Variants in METTL21A observed in about 807,000 individuals in gnomAD.
METTL21A encodes the protein methyltransferase 21A, HSPA lysine, also known as protein N-lysine methyltransferase METTL21A.
METTL21A carries 22 observed loss-of-function variants against 20.9 expected under a neutral mutation model. The observed-to-expected ratio is 1.05, with a 90% CI of 0.75 to 1.50. The LOEUF is 1.50. Among genes scored for constraint, METTL21A ranks in the 40% most tolerant of loss-of-function variants. The pLI is 0.00. For synonymous variants in METTL21A, 93 were observed against 102.0 expected, an observed-to-expected ratio of 0.91 and a Z score of 0.53; for missense variants, 271 against 266.8, an observed-to-expected ratio of 1.02 and a Z score of -0.11.
chr2:207,588,013 T>C (rs1048803147), intron 3 of METTL21A, among the ~76,000 whole-genome samples: 3 of 152,226 alleles, frequency 2.0e-5, no homozygotes, highest in African/African-American at 7.2e-5. Flanking sequence ...CATAATTTGA[T>C]CATTACATAC....
At chr2:207,619,714 A>G (rs2090249114) in intron 3 of METTL21A, among the ~76,000 whole-genome samples, 1 of 152,200 alleles carries the variant, frequency 6.6e-6, no homozygotes, top group Admixed American at 6.5e-5. Flanking sequence ...CTCTGGTGGT[A>G]TCTGAAATAT....
chr2:207,603,094 A>G (rs935225371), intron 3 of METTL21A: 16 of 210,528 alleles, frequency 7.6e-5, no homozygotes. Flanking sequence ...TGAATACTAA[A>G]TAAATAACTA....
chr2:207,613,788 A>G (rs2089308503), intron 3 of METTL21A, among the ~76,000 whole-genome samples: 1 of 152,204 alleles, frequency 6.6e-6, no homozygotes, highest in South Asian at 2.1e-4. Flanking sequence ...GTTGGAGACC[A>G]GCCTGGCCAA....
exon 3 of METTL21A, chr2:207,621,902 T>A (rs1054668047): frequency 5.6e-6 from 9 of 1,613,998 alleles, no homozygotes; most frequent in Non-Finnish European, 7.6e-6. Flanking sequence ...TCCAGGTATG[T>A]GGAAAGAACG....
intron 3 of METTL21A, 126 bp from the exon 4 acceptor site, chr2:207,613,569 C>G: frequency 1.2e-6 from 1 of 829,410 alleles, no homozygotes. Flanking sequence ...ATCAATCACA[C>G]CTTTCATGGA....
chr2:207,621,365 A>G lies in METTL21A; in HGVS notation c.259+441T>C, dbSNP rs142778664. Among the ~76,000 whole-genome samples the G allele has an allele frequency of 3.7e-4, 56 of 152,306 alleles. 2 individuals are homozygous for G. The East Asian group carries it at 9.8e-3, about 27-fold the overall frequency. ...CCCTCCCTACAAGAGAAAAACCAGC[A>G]AAGTTTCCTCAGCAATGAAGAAAAG... is the stretch of plus-strand genomic sequence containing the variant. On this transcript the variant is annotated intron_variant, in intron 3 of 3. Coordinates refer to ENST00000406927, the Ensembl canonical transcript of METTL21A.
chr2:207,605,069 T>C (rs912907056), downstream of METTL21A, among the ~76,000 whole-genome samples: 1 of 152,182 alleles, frequency 6.6e-6, no homozygotes, highest in African/African-American at 2.4e-5. Flanking sequence ...TGTTTTCAAT[T>C]ATTTGGGGTA....
chr2:207,580,801 C>T (rs2082871223), downstream of METTL21A: 1 of 223,962 alleles, frequency 4.5e-6, no homozygotes, highest in Non-Finnish European at 8.9e-6. Context: ...AGCTGCAGGT[C>T]AGTTGCTGTG....
intron 3 of METTL21A, among the ~76,000 whole-genome samples, chr2:207,594,314 T>C (rs1378105494): frequency 6.6e-6 from 1 of 152,194 alleles, no homozygotes; most frequent in Non-Finnish European, 1.5e-5. Context: ...TGTGGTGCAG[T>C]AGATTTCCAG....
chr2:207,608,222 T>C (rs2088432337), downstream of METTL21A, among the ~76,000 whole-genome samples: 1 of 152,116 alleles, frequency 6.6e-6, no homozygotes, highest in African/African-American at 2.4e-5. Context: ...GCCCAATTTC[T>C]TCCTCTTTCC....
At chr2:207,620,692 G>C in intron 3 of METTL21A, 1 of 1,534,300 alleles carries the variant, frequency 6.5e-7, no homozygotes, top group South Asian at 1.2e-5. Context: ...GATGACTTAA[G>C]TGCTGTGGTT....
chr2:207,620,831 G>A (rs1437198083), intron 3 of METTL21A: 2 of 724,062 alleles, frequency 2.8e-6, no homozygotes, highest in Non-Finnish European at 4.3e-6. Flanking sequence ...TTGGGTTTCT[G>A]GAAAACAGGC....
At chr2:207,606,241 G>A (rs529617026), downstream of METTL21A, among the ~76,000 whole-genome samples, 7 of 152,310 alleles carry the variant, frequency 4.6e-5, no homozygotes, top group Admixed American at 2.6e-4. Context: ...TTGGGAGGCC[G>A]AGGCAGAGGA....
At chr2:207,598,952 C>T (rs139198232) in intron 3 of METTL21A, 12 of 184,242 alleles carry the variant, frequency 6.5e-5, no homozygotes, top group African/African-American at 7.0e-5. Context: ...TTAAGAAAGT[C>T]AAGCTTGTTT....
At chr2:207,592,619 A>G (rs1357113994) in intron 3 of METTL21A, among the ~76,000 whole-genome samples, 2 of 152,018 alleles carry the variant, frequency 1.3e-5, no homozygotes, top group East Asian at 3.9e-4. Flanking sequence ...GGTGTCTGTC[A>G]TTAATTTTAG....
At chr2:207,607,125 AC>A (rs1450830097), downstream of METTL21A, among the ~76,000 whole-genome samples, 14 of 152,160 alleles carry the variant, frequency 9.2e-5, 1 homozygote, top group African/African-American at 3.4e-4. Flanking sequence ...CTGGTGGCTC[AC>A]ACCTGTAATC....
At chr2:207,582,045 G>A (rs371674494) in exon 4 of METTL21A, 9 of 699,948 alleles carry the variant, frequency 1.3e-5, no homozygotes, top group East Asian at 5.4e-5. Context: ...TACATAATTG[G>A]CGATATTAAC....
chr2:207,595,193 A>G (rs2085898328), intron 3 of METTL21A, among the ~76,000 whole-genome samples: 2 of 151,112 alleles, frequency 1.3e-5, no homozygotes, highest in Non-Finnish European at 3.0e-5. Context: ...ATGGAGTTTC[A>G]CCATGTTGGC....
At chr2:207,582,760 G>A (rs2106632886) in intron 3 of METTL21A, 1 of 203,016 alleles carries the variant, frequency 4.9e-6, no homozygotes, top group South Asian at 5.7e-5. Context: ...CGGGGTGGTG[G>A]TGCACGCTTG....
Sources: allele counts gnomAD v4.1 joint callset (sites outside exome capture counted in the v4.1 genomes callset), GRCh38; gene constraint gnomAD v4.1.1; transcripts MANE v1.5; gene names NCBI Gene and HGNC (gene_info 2026-07-23, HGNC 2026-07-21).